Variants in PPFIA2 observed in about 807,000 individuals in gnomAD.
PPFIA2 encodes the protein PPFI scaffold protein A2.
Under a neutral mutation model 175.5 loss-of-function variants are expected in PPFIA2, and 46 were observed. The observed-to-expected ratio is 0.26, with a 90% CI of 0.21 to 0.34. The LOEUF (loss-of-function observed/expected upper bound fraction) is 0.34, where lower values mean the gene tolerates loss of function less well. Among genes scored for constraint, PPFIA2 ranks in the 10% least tolerant of loss-of-function variants. PPFIA2 has a pLI of 1.00. For synonymous variants in PPFIA2, 568 were observed against 511.4 expected (o/e 1.11, Z -1.49); for missense variants, 1,179 against 1,506.1 (o/e 0.78, Z 3.60).
chr12:81,371,007 A>G (rs887886337), intron 11 of PPFIA2, among the ~76,000 whole-genome samples: 2 of 151,950 alleles, frequency 1.3e-5, no homozygotes, highest in Non-Finnish European at 2.9e-5. Flanking sequence ...ATGCATATAT[A>G]CTATTTTATG....
At chr12:81,529,512 G>A (rs566026189) in intron 4 of PPFIA2, among the ~76,000 whole-genome samples, 1 of 151,152 alleles carries the variant, frequency 6.6e-6, no homozygotes, top group Non-Finnish European at 1.5e-5. Flanking sequence ...TAAATAGAGA[G>A]AGAGAGACAC....
intron 12 of PPFIA2, 60 bp downstream of exon 12, chr12:81,369,051 T>C: frequency 7.1e-7 from 1 of 1,400,150 alleles, no homozygotes. Flanking sequence ...TTTCTTCTTA[T>C]ATACAGAATA....
rs527705609 is a variant in PPFIA2, at chr12:81,644,991, T to C, written c.303+31800A>G. On this transcript the variant is annotated intron_variant, in intron 4 of 32. Coordinates refer to ENST00000549396, the MANE Select transcript of PPFIA2 (RefSeq NM_003625.5). Reference sequence around the variant, plus strand: ...AACAAAAACACAAAGGGAGGAATAGTAAAAATAAAATTTTGGCTGGAACAG... The same window carrying C: ...AACAAAAACACAAAGGGAGGAATAGCAAAAATAAAATTTTGGCTGGAACAG... 4.6e-5 allele frequency among the ~76,000 whole-genome samples: 7 copies of C among 151,918 alleles called. No homozygotes were observed. In the South Asian group the frequency reaches 1.5e-3, roughly 31 times the overall value.
chr12:81,418,513 C>T (rs2086410012), intron 7 of PPFIA2, among the ~76,000 whole-genome samples: 1 of 151,896 alleles, frequency 6.6e-6, no homozygotes, highest in South Asian at 2.1e-4. Flanking sequence ...CTTTCAGTGT[C>T]CATGAATAAA....
At chr12:81,398,904 A>C (rs2041651271) in intron 8 of PPFIA2, among the ~76,000 whole-genome samples, 2 of 152,010 alleles carry the variant, frequency 1.3e-5, no homozygotes, top group Non-Finnish European at 2.9e-5. Flanking sequence ...ACCAGTTAAA[A>C]ATTGTACACA....
intron 5 of PPFIA2, among the ~76,000 whole-genome samples, chr12:81,446,498 T>G (rs1197286207): frequency 1.3e-5 from 2 of 152,240 alleles, no homozygotes; most frequent in East Asian, 3.9e-4. Flanking sequence ...AAGGAAGTTC[T>G]ACTGCTAAAA....
chr12:81,657,373 C>G (rs1250025482), intron 4 of PPFIA2, among the ~76,000 whole-genome samples: 1 of 152,168 alleles, frequency 6.6e-6, no homozygotes, highest in African/African-American at 2.4e-5. Flanking sequence ...GAATGCAGTA[C>G]CAACTTACTG....
At chr12:81,597,926 A>AG in intron 4 of PPFIA2, 2 of 1,531,686 alleles carry the variant, frequency 1.3e-6, no homozygotes, top group Non-Finnish European at 1.7e-6. Context: ...CTTACTAAGT[A>AG]GTGAAGCCAT....
chr12:81,622,391 A>G (rs551540824), intron 4 of PPFIA2, among the ~76,000 whole-genome samples: 1 of 152,270 alleles, frequency 6.6e-6, no homozygotes, highest in Admixed American at 6.5e-5. Flanking sequence ...CTAGAGTAAA[A>G]TTTTGACATA....
At chr12:81,438,793 T>G (rs1434228669) in intron 7 of PPFIA2, among the ~76,000 whole-genome samples, 1 of 152,152 alleles carries the variant, frequency 6.6e-6, no homozygotes, top group Non-Finnish European at 1.5e-5. Context: ...CATTAACTAT[T>G]TATCTTTACT....
intron 4 of PPFIA2, among the ~76,000 whole-genome samples, chr12:81,508,243 C>G (rs147454304): frequency 1.3e-5 from 2 of 151,834 alleles, no homozygotes; most frequent in African/African-American, 4.8e-5. Flanking sequence ...TTTGTGGGGC[C>G]GGGCACGGTG....
chr12:81,662,130 A>G (rs576047929), intron 4 of PPFIA2, among the ~76,000 whole-genome samples: 18 of 152,302 alleles, frequency 1.2e-4, no homozygotes, highest in African/African-American at 3.9e-4. Context: ...TAACATCACA[A>G]TTAAAAGAAC....
At chr12:81,375,026 A>G (rs1481800314) in intron 10 of PPFIA2, among the ~76,000 whole-genome samples, 1 of 152,184 alleles carries the variant, frequency 6.6e-6, no homozygotes, top group Admixed American at 6.6e-5. Context: ...ATGAGTATAC[A>G]TTTTAACAAA....
In PPFIA2 at chr12:81,347,784, T is replaced by C. The variant is rs540535302; in HGVS notation, c.1995-14A>G. 34 of 1,612,082 alleles carry C rather than the reference T, an allele frequency of 2.1e-5. No homozygotes were observed. In the African/African-American group the frequency reaches 3.2e-4, roughly 15 times the overall value. ...TCCTGAATTAGCCTGAAAGATACAG[T>C]TTAATTATGATCCATATATAATTTA... On this transcript the variant is annotated splice_polypyrimidine_tract_variant and intron_variant, in intron 17 of 32. Coordinates refer to ENST00000549396, the MANE Select transcript of PPFIA2 (RefSeq NM_003625.5).
At chr12:81,592,390 G>A (rs1166519442) in intron 4 of PPFIA2, among the ~76,000 whole-genome samples, 1 of 152,146 alleles carries the variant, frequency 6.6e-6, no homozygotes, top group Non-Finnish European at 1.5e-5. Flanking sequence ...TTTAAAATGT[G>A]AGAACAAGAC....
intron 4 of PPFIA2, chr12:81,545,350 T>A (rs1364861573): frequency 2.0e-5 from 3 of 152,174 alleles, no homozygotes; most frequent in Admixed American, 2.0e-4. Context: ...CACCATACCC[T>A]GAGGCAGTTG....
At chr12:81,742,672 C>T (rs1464664524) in intron 3 of PPFIA2, among the ~76,000 whole-genome samples, 1 of 152,070 alleles carries the variant, frequency 6.6e-6, no homozygotes, top group Non-Finnish European at 1.5e-5. Context: ...ATATTTAAAG[C>T]CAGCAGATGG....
At chr12:81,644,766 A>G (rs974628651) in intron 4 of PPFIA2, among the ~76,000 whole-genome samples, 1 of 152,106 alleles carries the variant, frequency 6.6e-6, no homozygotes, top group African/African-American at 2.4e-5. Context: ...TGTTCTATGT[A>G]AGCATAGTGC....
chr12:81,489,679 G>A (rs1035273276), intron 4 of PPFIA2, among the ~76,000 whole-genome samples: 1 of 151,814 alleles, frequency 6.6e-6, no homozygotes, highest in Admixed American at 6.6e-5. Flanking sequence ...TGTTTGAAAC[G>A]TTTCTATCAA....
Sources: allele counts gnomAD v4.1 joint callset (sites outside exome capture counted in the v4.1 genomes callset), GRCh38; gene constraint gnomAD v4.1.1; transcripts MANE v1.5; gene names NCBI Gene and HGNC (gene_info 2026-07-23, HGNC 2026-07-21).